Variants in FBXO38 observed in about 807,000 individuals in gnomAD.
FBXO38 encodes the protein F-box only protein 38.
In FBXO38, 53 loss-of-function variants were observed where a neutral mutation model predicts 131.9. The ratio of observed to expected loss-of-function variants is 0.40; its 90% confidence interval spans 0.32 to 0.51. The LOEUF is 0.51. Among genes scored for constraint, FBXO38 ranks in the 20% least tolerant of loss-of-function variants. FBXO38 has a pLI of 0.53. For missense variants in FBXO38, 1,076 were observed against 1,475.6 expected (o/e 0.73, Z 4.44); for synonymous variants, 452 against 505.6 (o/e 0.89, Z 1.42).
At chr5:148,430,054 G>A (rs1167214022) in intron 15 of FBXO38, 1 of 150,860 alleles carries the variant, frequency 6.6e-6, no homozygotes, top group Non-Finnish European at 1.5e-5. Flanking sequence ...TTTTTTGGGG[G>A]AGATATCAAA....
At chr5:148,432,562 T>C (rs140153096) in intron 15 of FBXO38, among the ~76,000 whole-genome samples, 10 of 152,300 alleles carry the variant, frequency 6.6e-5, no homozygotes, top group Non-Finnish European at 1.2e-4. Context: ...TCAGAGCTAT[T>C]ATAAGGATTA....
Position 148,441,966 on chromosome 5 carries a change from A to G in FBXO38, c.3389-3A>G. The G allele has an allele frequency of 6.2e-7, 1 of 1,600,762 alleles. No homozygotes were observed. Among genetic ancestry groups the G allele is most frequent in the Non-Finnish European group, 8.5e-7 (1 of 1,175,312 alleles). The stretch of plus-strand genomic sequence containing the variant: ...ATCTCTCCTTTTATTTCTAATTTCA[A>G]AGGCACTATCTATGCTCCTAGAAGG... On this transcript the variant is annotated splice_region_variant and splice_polypyrimidine_tract_variant and intron_variant, in intron 21 of 21. Transcript: ENST00000340253.
intron 9 of FBXO38, among the ~76,000 whole-genome samples, chr5:148,411,337 A>G (rs1752739650): frequency 6.6e-6 from 1 of 152,194 alleles, no homozygotes; most frequent in East Asian, 1.9e-4. Context: ...GTTTGAATGC[A>G]TGTCAATTCA....
At chr5:148,401,534 C>T (rs755658930) in intron 3 of FBXO38, among the ~76,000 whole-genome samples, 4 of 152,120 alleles carry the variant, frequency 2.6e-5, no homozygotes, top group Non-Finnish European at 5.9e-5. Context: ...AGCTTCCTAA[C>T]GATGAGGATC....
Position 148,415,962 on chromosome 5 carries a change from C to T in FBXO38, c.1299C>T (p.Asn433=), listed in dbSNP as rs1311938935. 1 of 1,613,444 alleles carries T rather than the reference C, an allele frequency of 6.2e-7. No homozygotes were observed. The highest frequency in any genetic ancestry group is 8.5e-7 in the Non-Finnish European group (1 of 1,179,670). Residue 433 remains asparagine, a synonymous_variant, in exon 11 of 22, where the codon AAC becomes AAT. Coordinates refer to ENST00000340253, the MANE Select transcript of FBXO38 (RefSeq NM_205836.3). ...HSRWTRLVDI[N]LVRCHALKLD... ...GATGGACTCGATTGGTTGATATCAA[C>T]CTAGTACGGTGCCATGCTTTGAAGC...
chr5:148,409,089 A>G lies in FBXO38; in HGVS notation c.869-35A>G, dbSNP rs373406637. ...ATATAAATACTTCACTAAAAATGCT[A>G]TGGTCAAACACTTGTTTTTGTTCCT... On this transcript the variant is annotated intron_variant, in intron 7 of 21. Transcript: ENST00000340253. 44 of 1,197,526 alleles carry G rather than the reference A, an allele frequency of 3.7e-5. No homozygotes were observed. The African/African-American group carries it at 4.9e-4, about 13-fold the overall frequency. 74.2% of individuals were successfully genotyped at this position (1,197,526 alleles called of 1,614,324 possible). A position where few individuals can be genotyped will look rare whatever the true frequency, so the allele number is the denominator to read the frequency against.
chr5:148,410,869 C>T, intron 9 of FBXO38, 104 bp downstream of exon 9: 1 of 1,066,932 alleles, frequency 9.4e-7, no homozygotes, highest in Non-Finnish European at 1.3e-6. Context: ...CATAAGACAA[C>T]TTAAAATCTT....
chr5:148,425,809 G>A, intron 14 of FBXO38, 108 bp downstream of exon 14: 1 of 940,252 alleles, frequency 1.1e-6, no homozygotes, highest in Non-Finnish European at 1.6e-6. Flanking sequence ...TACGGAATGT[G>A]ACAGGAAGCA....
intron 13 of FBXO38, 79 bp from the exon 14 acceptor site, chr5:148,425,443 C>G: frequency 8.7e-7 from 1 of 1,147,762 alleles, no homozygotes. Context: ...CTGTTGATTC[C>G]AGATCCCTGG....
At chr5:148,413,443 CTA>C (rs1279926775) in intron 9 of FBXO38, 1 of 151,972 alleles carries the variant, frequency 6.6e-6, no homozygotes, top group Non-Finnish European at 1.5e-5. Context: ...AAAGATGTAA[CTA>C]TGAACTAACA....
At chr5:148,438,151 C>A (rs1754458848) in intron 17 of FBXO38, among the ~76,000 whole-genome samples, 181 bp from the exon 18 acceptor site, 1 of 152,076 alleles carries the variant, frequency 6.6e-6, no homozygotes, top group Non-Finnish European at 1.5e-5. Context: ...CCCCTTCTAC[C>A]TTCTTTTGAA....
Position 148,394,805 on chromosome 5 carries a change from C to T in FBXO38, c.29C>T (p.Thr10Ile). ...GGGCCACGAAAGAAAAGTGTGAAAACATGTATCATGAATAATGAAATTCCA... is the reference window on the plus strand; with the variant it reads ...GGGCCACGAAAGAAAAGTGTGAAAATATGTATCATGAATAATGAAATTCCA... Reference protein sequence around the residue: MGPRKKSVKTCIMNNEIPEE... With the variant: MGPRKKSVKICIMNNEIPEE... Residue 10 changes from threonine (T) to isoleucine (I), a missense_variant, in exon 2 of 22, where the codon ACA becomes ATA. This residue lies in a region of FBXO38 where 58 missense variants were observed against 53.1 expected (regional missense o/e 1.09). Coordinates refer to ENST00000340253, the MANE Select transcript of FBXO38 (RefSeq NM_205836.3). 6.3e-7 allele frequency: 1 copy of T among 1,592,286 alleles called. No homozygotes were observed. Among genetic ancestry groups the T allele is most frequent in the Non-Finnish European group, 8.5e-7 (1 of 1,169,952 alleles).
chr5:148,437,819 T>G (rs1354715326), intron 17 of FBXO38, among the ~76,000 whole-genome samples: 1 of 152,168 alleles, frequency 6.6e-6, no homozygotes, highest in Non-Finnish European at 1.5e-5. Flanking sequence ...CTGTTCAGTA[T>G]TATGGTAACC....
At chr5:148,410,333 A>C in intron 8 of FBXO38, 1 of 353,166 alleles carries the variant, frequency 2.8e-6, no homozygotes, top group African/African-American at 2.2e-5. Context: ...ACTAGATCCA[A>C]TGGTTTTAAA....
chr5:148,399,157 A>T, intron 3 of FBXO38, 25 bp downstream of exon 3: 1 of 1,611,802 alleles, frequency 6.2e-7, no homozygotes. Context: ...TCTGTGAAGT[A>T]CAGTAGTGTC....
At chr5:148,416,952 T>C (rs771691867) in intron 11 of FBXO38, 42 bp from the exon 12 acceptor site, 14 of 1,279,310 alleles carry the variant, frequency 1.1e-5, no homozygotes, top group Non-Finnish European at 1.6e-5. Context: ...GGATATATAC[T>C]AACCCAAATT....
rs925100005 is a variant in FBXO38, at chr5:148,414,324, A to T, written c.1264+18A>T. ...GATCTCAGGTATTACAGACTTAAAA[A>T]TACAGCTATGTTTTATTGATACTGA... On this transcript the variant is annotated intron_variant, in intron 10 of 21. Coordinates refer to ENST00000340253, the MANE Select transcript of FBXO38 (RefSeq NM_205836.3). 1 of 1,563,714 alleles carries T rather than the reference A, an allele frequency of 6.4e-7. No homozygotes were observed. Among genetic ancestry groups the T allele is most frequent in the Admixed American group, 1.9e-5 (1 of 52,558 alleles).
At chr5:148,409,368 G>C in intron 8 of FBXO38, 151 bp downstream of exon 8, 1 of 624,958 alleles carries the variant, frequency 1.6e-6, no homozygotes, top group South Asian at 1.9e-5. Context: ...CCAAATAACA[G>C]ATAAGTATAA....
chr5:148,416,733 C>G (rs921385514), intron 11 of FBXO38: 1 of 427,058 alleles, frequency 2.3e-6, no homozygotes, highest in Admixed American at 3.8e-5. Flanking sequence ...TGCGGCTCTA[C>G]CACTTACTGG....
Sources: gnomAD v4.1 joint callset for allele counts (sites outside exome capture counted in the v4.1 genomes callset) on GRCh38, gnomAD v4.1.1 for gene constraint, gnomAD v4.1.1 regional missense constraint, MANE v1.5 for transcripts, NCBI Gene and HGNC (gene_info 2026-07-23, HGNC 2026-07-21) for gene names.